Variants in TBC1D2B observed in about 807,000 individuals in gnomAD.
TBC1D2B encodes TBC1 domain family, member 2B.
In TBC1D2B, 64 loss-of-function variants were observed where a neutral mutation model predicts 100.8. The ratio of observed to expected loss-of-function variants is 0.64; its 90% CI spans 0.52 to 0.78. The LOEUF (loss-of-function observed/expected upper bound fraction) is 0.78. TBC1D2B is among the 30% of genes least tolerant of loss of function. The pLI, the probability that TBC1D2B is intolerant of heterozygous loss-of-function variation, is 0.00. For missense variants in TBC1D2B, 1,052 were observed against 1,218.4 expected (o/e 0.86, Z 2.03); for synonymous variants, 480 against 479.7 (o/e 1.00, Z -0.01).
chr15:78,013,082 C>T lies in TBC1D2B; in HGVS notation c.2011G>A (p.Val671Met). 5 of 1,614,008 alleles carry T rather than the reference C, an allele frequency of 3.1e-6. No individual in the cohort carries two copies. The highest frequency in any genetic ancestry group is 4.2e-6 in the Non-Finnish European group (5 of 1,179,890). Residue 671 changes from valine to methionine, a missense_variant, in exon 9 of 13, where the codon GTG becomes ATG. By Grantham distance (21) the Val-to-Met change is conservative. Coordinates refer to ENST00000300584, the MANE Select transcript of TBC1D2B (RefSeq NM_144572.2). ...TGACGGTCCACACACCACTTCCACA[C>T]CTTGGAACGGTGCTCGTGGGGAATG... Reference protein sequence around the residue: ...AGIPHEHRSKVWKWCVDRHTR... With the variant: ...AGIPHEHRSKMWKWCVDRHTR...
intron 12 of TBC1D2B, among the ~76,000 whole-genome samples, chr15:78,001,289 T>C (rs1411387800): frequency 6.6e-6 from 1 of 152,192 alleles, no homozygotes; most frequent in Non-Finnish European, 1.5e-5. Flanking sequence ...CAGGCCTTAC[T>C]CTCCATCTGT....
At chr15:78,065,662 T>C (rs1387023960) in intron 1 of TBC1D2B, among the ~76,000 whole-genome samples, 2 of 152,180 alleles carry the variant, frequency 1.3e-5, no homozygotes, top group African/African-American at 4.8e-5. Flanking sequence ...TGTAGCCTAT[T>C]GGATGGTCTT....
Position 78,077,647 on chromosome 15 carries a change from C to A in TBC1D2B, c.6G>T (p.Pro2=), listed in dbSNP as rs2073855104. The change falls in exon 1 of 13, where the codon CCG becomes CCT. Residue 2 remains proline, a synonymous_variant. Coordinates refer to ENST00000300584, the MANE Select transcript of TBC1D2B (RefSeq NM_144572.2). ...CCTCCTCCGCCCGGGCTCCGGCCCCCGGCATCGCTACCGCGCGCCAACCGT... is the reference window on the plus strand; with the variant it reads ...CCTCCTCCGCCCGGGCTCCGGCCCCAGGCATCGCTACCGCGCGCCAACCGT... M[P]GAGARAEEGG... The A allele has an allele frequency of 2.0e-6, 2 of 990,766 alleles. No individual in the cohort carries two copies. Among genetic ancestry groups the A allele is most frequent in the Non-Finnish European group, 2.4e-6 (2 of 833,946 alleles). 61.4% of individuals were successfully genotyped at this position (990,766 alleles called of 1,614,324 possible).
chr15:78,015,219 A>C (rs984857112), intron 8 of TBC1D2B, among the ~76,000 whole-genome samples: 4 of 152,140 alleles, frequency 2.6e-5, no homozygotes, highest in Admixed American at 2.0e-4. Context: ...AAAATAAAAC[A>C]AAACAAAACA....
rs754868029 is a variant in TBC1D2B, at chr15:78,024,308, G to A, written c.1318C>T (p.Leu440=). 7 of 1,614,038 alleles carry A rather than the reference G, an allele frequency of 4.3e-6. No individual in the cohort carries two copies. The highest frequency in any genetic ancestry group is 5.9e-6 in the Non-Finnish European group (7 of 1,179,902). ...KSKVGELNEQ[L]GMLMETIQAK... is the part of the protein sequence containing the mutation. ...TGGATGGTCTCCATGAGCATTCCCA[G>A]CTGCTCGTTGAGCTCGCCCACTTTG... Residue 440 remains leucine, a synonymous_variant, in exon 6 of 13, where the codon CTG becomes TTG. Transcript: ENST00000300584.
At chr15:78,053,296 G>A (rs915501443) in intron 2 of TBC1D2B, among the ~76,000 whole-genome samples, 3 of 152,168 alleles carry the variant, frequency 2.0e-5, no homozygotes, top group East Asian at 1.9e-4. Context: ...TGTACGCTCC[G>A]TGTGTCTTCC....
chr15:78,003,347 G>A lies in TBC1D2B; in HGVS notation c.2532C>T (p.Ile844=), dbSNP rs1334874653. 6.8e-6 allele frequency: 11 copies of A among 1,613,858 alleles called. No individual in the cohort carries two copies. Among genetic ancestry groups the A allele is most frequent in the Middle Eastern group, 3.3e-4 (2 of 6,062 alleles). ...VVFVDSVVSD[I]LFKIWDSFLY... The stretch of plus-strand genomic sequence containing the variant: ...GGAAAGAGTCCCATATTTTAAAGAG[G>A]ATGTCACTAACGACACTATCCACAA... Residue 844 remains isoleucine (I), a synonymous_variant, in exon 11 of 13, where the codon ATC becomes ATT. Coordinates refer to ENST00000300584, the MANE Select transcript of TBC1D2B (RefSeq NM_144572.2).
At chr15:78,004,498 CAGCCAGGGGCTTTCCT>C (rs952382638) in intron 10 of TBC1D2B, among the ~76,000 whole-genome samples, 24 of 152,348 alleles carry the variant, frequency 1.6e-4, no homozygotes, top group East Asian at 9.6e-4. Context: ...GCTATCCTGT[CAGCCAGGGGCTTTCCT>C]AGCCAGGGGC....
In TBC1D2B at chr15:78,044,994, C is replaced by T. The variant is rs761226895; in HGVS notation, c.589G>A (p.Glu197Lys). Reference sequence around the variant, plus strand: ...TTTGCAGCTTGTTCTCCCACCAGCTCTCCAGGCACAGTCTCCACAGCTAGG... The same window carrying T: ...TTTGCAGCTTGTTCTCCCACCAGCTTTCCAGGCACAGTCTCCACAGCTAGG... Reference protein sequence around the residue: ...NVLAVETVPGELVGEQAANQP... With the variant: ...NVLAVETVPGKLVGEQAANQP... The change falls in exon 3 of 13, where the codon GAG (glutamate) becomes AAG (lysine). Residue 197 changes from glutamate (E) to lysine (K), a missense_variant. By Grantham distance (56) the Glu-to-Lys change is moderately conservative. This residue lies in a region of TBC1D2B where 627 missense variants were observed against 646.1 expected (regional missense o/e 0.97). Transcript: ENST00000300584. 1.9e-6 allele frequency: 3 copies of T among 1,613,746 alleles called. No individual in the cohort carries two copies. The highest frequency in any genetic ancestry group is 2.2e-5 in the South Asian group (2 of 91,068).
rs138839152 is a variant in TBC1D2B at position 78,033,494 on chromosome 15, C to T, written c.684-3324G>A. On this transcript the variant is annotated intron_variant, in intron 3 of 12. Transcript: ENST00000300584. Reference sequence around the variant, plus strand: ...AAGCGGATCAGAGGTTGCCCAGGGCCGGGTATTAAGGGAAGGGATCAACCG... The same window carrying T: ...AAGCGGATCAGAGGTTGCCCAGGGCTGGGTATTAAGGGAAGGGATCAACCG... Among the ~76,000 whole-genome samples, 57 of 152,062 alleles carry T rather than the reference C, an allele frequency of 3.7e-4. 1 individual carries two copies. The East Asian group carries it at 0.01, about 28-fold the overall frequency.
chr15:77,998,377 AC>A (rs2071820157), intron 12 of TBC1D2B, 22 bp from the exon 13 acceptor site: 1 of 1,551,186 alleles, frequency 6.4e-7, no homozygotes, highest in South Asian at 1.2e-5. Context: ...CAGGGGAGAG[AC>A]AAGAGAATCA....
chr15:78,074,186 C>A (rs1349668912), intron 1 of TBC1D2B, among the ~76,000 whole-genome samples: 1 of 151,738 alleles, frequency 6.6e-6, no homozygotes, highest in Non-Finnish European at 1.5e-5. Flanking sequence ...CCATGCCCAG[C>A]CAATTTTTGT....
intron 3 of TBC1D2B, among the ~76,000 whole-genome samples, chr15:78,030,445 G>A (rs906555673): frequency 2.6e-5 from 4 of 152,070 alleles, no homozygotes; most frequent in African/African-American, 9.7e-5. Flanking sequence ...TGGGATTACA[G>A]GCTGCACCAC....
Position 78,016,554 on chromosome 15 carries a change from A to T in TBC1D2B, c.1767T>A (p.His589Gln), listed in dbSNP as rs748082782. The T allele has an allele frequency of 6.2e-7, 1 of 1,612,320 alleles. No homozygotes were observed. Among genetic ancestry groups the T allele is most frequent in the South Asian group, 1.1e-5 (1 of 90,796 alleles). Reference protein sequence around the residue: ...EQPEQAFVKPHLVSEYDIYGF... With the variant: ...EQPEQAFVKPQLVSEYDIYGF... ...GTCACTAGCACATTTACCTGACAAGATGAGGTTTAACAAATGCTTGCTCCG... is the reference window on the plus strand; with the variant it reads ...GTCACTAGCACATTTACCTGACAAGTTGAGGTTTAACAAATGCTTGCTCCG... Residue 589 changes from histidine (H) to glutamine (Q), a missense_variant, in exon 8 of 13, where the codon CAT becomes CAA. Physicochemically the swap from His to Gln is conservative, Grantham distance 24. Coordinates refer to ENST00000300584, the MANE Select transcript of TBC1D2B (RefSeq NM_144572.2).
Position 77,996,806 on chromosome 15 carries a change from T to TTA in TBC1D2B, c.*1353_*1354insTA, listed in dbSNP as rs2071773272. On this transcript the variant is annotated 3_prime_UTR_variant, in exon 13 of 13. Transcript: ENST00000300584. ...GATTTCCAGTTTTTTTCGGGTAATA[T>TTA]GAAACATTCCACTGAGATCATTTAT... is the stretch of plus-strand genomic sequence containing the variant. 1 of 152,250 alleles carries TTA rather than the reference T, an allele frequency of 6.6e-6. No individual in the cohort carries two copies. The highest frequency in any genetic ancestry group is 1.5e-5 in the Non-Finnish European group (1 of 68,042). The allele number at this position is 152,250 out of a possible 1,614,324, so 9.4% of individuals were successfully genotyped here. A position where few individuals can be genotyped will look rare whatever the true frequency, so the allele number is the denominator to read the frequency against.
intron 8 of TBC1D2B, among the ~76,000 whole-genome samples, chr15:78,015,516 G>A (rs1299058847): frequency 6.6e-6 from 1 of 152,124 alleles, no homozygotes; most frequent in Non-Finnish European, 1.5e-5. Flanking sequence ...GTTTAGAAGC[G>A]CTCCAAGAGC....
chr15:78,054,088 T>A lies in TBC1D2B; in HGVS notation c.460A>T (p.Thr154Ser). The change falls in exon 2 of 13, where the codon ACC becomes TCC. Residue 154 changes from threonine to serine, a missense_variant. Coordinates refer to ENST00000300584, the MANE Select transcript of TBC1D2B (RefSeq NM_144572.2). ...GGAAAATCCCCGGGAGTTGGAGAGG[T>A]CCTGCTGTCCCACTTGACCATGTCA... ...SLDMVKWDSR[T>S]SPTPGDFPKG... 1 of 1,613,814 alleles carries A rather than the reference T, an allele frequency of 6.2e-7. No individual in the cohort carries two copies. The highest frequency in any genetic ancestry group is 8.5e-7 in the Non-Finnish European group (1 of 1,179,832).
At position 78,077,662 on chromosome 15, in the gene TBC1D2B, G is replaced by A. The variant is rs1398598940; in HGVS notation, c.-10C>T. The A allele has an allele frequency of 1.3e-5, 13 of 983,934 alleles. No individual in the cohort carries two copies. Among genetic ancestry groups the A allele is most frequent in the East Asian group, 1.2e-4 (1 of 8,678 alleles). The allele number at this position is 983,934 out of a possible 1,614,324, so 61.0% of individuals were successfully genotyped here. On this transcript the variant is annotated 5_prime_UTR_variant, in exon 1 of 13. Transcript: ENST00000300584. ...CTCCGGCCCCCGGCATCGCTACCGC[G>A]CGCCAACCGTAGGCGCCCGCGCCCT...
intron 9 of TBC1D2B, among the ~76,000 whole-genome samples, chr15:78,009,542 TA>T (rs79836912): frequency 0.011 from 1,551 of 141,568 alleles, 23 homozygotes; most frequent in African/African-American, 0.032. Flanking sequence ...CTTGTCTCAT[TA>T]AAAAAAAAAA....
Sources: allele counts gnomAD v4.1 joint callset (sites outside exome capture counted in the v4.1 genomes callset), GRCh38; gene constraint gnomAD v4.1.1; regional missense constraint gnomAD v4.1.1; transcripts MANE v1.5; gene names NCBI Gene and HGNC (gene_info 2026-07-23, HGNC 2026-07-21).